ZBTB43: variants seen among roughly 807,000 people sequenced by gnomAD.
ZBTB43 encodes the protein zinc finger and BTB domain containing 43, also known as zinc finger and BTB domain-containing protein 43.
Under a neutral mutation model 31.1 loss-of-function variants are expected in ZBTB43, and 6 were observed. The ratio of observed to expected loss-of-function variants is 0.19; its 90% CI spans 0.11 to 0.38. ZBTB43 has a LOEUF of 0.38. Ranked by LOEUF, ZBTB43 falls within the 10% of genes least tolerant of loss-of-function variation. The pLI is 1.00. For synonymous variants in ZBTB43, 212 were observed against 221.7 expected (o/e 0.96, Z 0.39); for missense variants, 379 against 602.1 (o/e 0.63, Z 3.88).
chr9:126,814,856 A>G (rs1238811837), intron 2 of ZBTB43, among the ~76,000 whole-genome samples: 1 of 151,910 alleles, frequency 6.6e-6, no homozygotes, highest in Non-Finnish European at 1.5e-5. Context: ...TTTCATGGGT[A>G]TAGAATTCTA....
Position 126,837,515 on chromosome 9 carries a change from C to T in ZBTB43, c.*3602C>T, listed in dbSNP as rs1319921783. The T allele has an allele frequency of 1.2e-5, 2 of 167,146 alleles. No individual in the cohort carries two copies. The highest frequency in any genetic ancestry group is 1.9e-4 in the East Asian group (1 of 5,198). 10.4% of individuals were successfully genotyped at this position (167,146 alleles called of 1,614,324 possible). On this transcript the variant is annotated 3_prime_UTR_variant, in exon 3 of 3. Coordinates refer to ENST00000373464, the MANE Select transcript of ZBTB43 (RefSeq NM_014007.4). ...CAGAAGCTGCAAAGCTGTGCTTTCC[C>T]TGGGGAAGGGGATGTGCTGCGGCCT...
chr9:126,828,648 AATAATAATTATT>A (rs2032700645), intron 2 of ZBTB43, among the ~76,000 whole-genome samples: 2 of 133,748 alleles, frequency 1.5e-5, no homozygotes, highest in East Asian at 2.4e-4. Flanking sequence ...TAATAATAAT[AATAATAATTATT>A]ATTATTATTA....
chr9:126,831,166 C>T (rs756841980), intron 2 of ZBTB43, among the ~76,000 whole-genome samples: 1 of 152,134 alleles, frequency 6.6e-6, no homozygotes, highest in Non-Finnish European at 1.5e-5. Flanking sequence ...TGCTCAAGCC[C>T]CCAGGCCCCT....
intron 2 of ZBTB43, chr9:126,831,378 C>T (rs936977446): frequency 6.6e-6 from 1 of 152,200 alleles, no homozygotes; most frequent in Admixed American, 6.6e-5. Flanking sequence ...GTGGTATATA[C>T]CCATAGACCC....
intron 2 of ZBTB43, among the ~76,000 whole-genome samples, chr9:126,827,774 G>T (rs1054055511): frequency 6.6e-6 from 1 of 152,170 alleles, no homozygotes; most frequent in African/African-American, 2.4e-5. Flanking sequence ...TTGGGAGACT[G>T]AGGCGGGCGG....
rs1301470632 is a variant in ZBTB43, at chr9:126,838,178, T to C, written c.*4265T>C. On this transcript the variant is annotated 3_prime_UTR_variant, in exon 3 of 3. Transcript: ENST00000373464. ...AGATCATGCCCTTTTGTATGACATG[T>C]TTTAATAAATGTTATCTGTCAACTT... is the stretch of plus-strand genomic sequence containing the variant. 6.1e-6 allele frequency: 1 copy of C among 163,878 alleles called. No homozygotes were observed. The highest frequency in any genetic ancestry group is 2.4e-5 in the African/African-American group (1 of 41,456). The allele number at this position is 163,878 out of a possible 1,614,324, so 10.2% of individuals were successfully genotyped here.
rs150887826 is a variant in ZBTB43, at chr9:126,835,715, AATATAT to A, written c.*1811_*1816del. The stretch of plus-strand genomic sequence containing the variant: ...ACTTTGTATTTAAAACTTTATTATA[AATATAT>A]ATATATATTGTTTTTTTTTAAACCT... On this transcript the variant is annotated 3_prime_UTR_variant, in exon 3 of 3. Transcript: ENST00000373464. 1 of 165,126 alleles carries A rather than the reference AATATAT, an allele frequency of 6.1e-6. No homozygotes were observed. Among genetic ancestry groups the A allele is most frequent in the Non-Finnish European group, 1.5e-5 (1 of 67,828 alleles). The allele number at this position is 165,126 out of a possible 1,614,324, so 10.2% of individuals were successfully genotyped here.
At chr9:126,812,154 T>C (rs906268718) in intron 2 of ZBTB43, among the ~76,000 whole-genome samples, 2 of 152,204 alleles carry the variant, frequency 1.3e-5, no homozygotes, top group East Asian at 3.9e-4. Context: ...TTCATATAAG[T>C]GGAGTCATAC....
At position 126,836,301 on chromosome 9, in the gene ZBTB43, GT is replaced by G. The variant is rs1441780748; in HGVS notation, c.*2390del. On this transcript the variant is annotated 3_prime_UTR_variant, in exon 3 of 3. Coordinates refer to ENST00000373464, the MANE Select transcript of ZBTB43 (RefSeq NM_014007.4). ...AGTTGTGCTAGGACTTATTTAATAT[GT>G]TGTGAAGAGAAGAGTGTCTTCTTGA... 1 of 167,108 alleles carries G rather than the reference GT, an allele frequency of 6.0e-6. No homozygotes were observed. Among genetic ancestry groups the G allele is most frequent in the Non-Finnish European group, 1.5e-5 (1 of 68,124 alleles). 10.4% of individuals were successfully genotyped at this position (167,108 alleles called of 1,614,324 possible). A position where few individuals can be genotyped will look rare whatever the true frequency, so the allele number is the denominator to read the frequency against.
In ZBTB43 at chr9:126,833,235, C is replaced by G. The variant is rs1305540731; in HGVS notation, c.726C>G (p.Arg242=). The change falls in exon 3 of 3, where the codon CGC becomes CGG. Residue 242 remains arginine (R), a synonymous_variant. Transcript: ENST00000373464. The surrounding 1 kb of genome is among the most constrained non-coding windows in gnomAD (Gnocchi z 7.9). ...AGCCCAGCATCATGGCTCACAAACG[C>G]TGGATCCACGTGAAGCCCGAGCGCT... ...YSKPSIMAHK[R]WIHVKPERLE... is the part of the protein sequence containing the mutation. 1.9e-6 allele frequency: 3 copies of G among 1,613,750 alleles called. No homozygotes were observed. Among genetic ancestry groups the G allele is most frequent in the Non-Finnish European group, 2.5e-6 (3 of 1,180,018 alleles).
At chr9:126,823,040 GTGT>G (rs1363463959) in intron 2 of ZBTB43, among the ~76,000 whole-genome samples, 1 of 151,924 alleles carries the variant, frequency 6.6e-6, no homozygotes, top group Non-Finnish European at 1.5e-5. Context: ...CTTTATTATG[GTGT>G]TTATTTTATT....
At position 126,811,332 on chromosome 9, in the gene ZBTB43, GTT is replaced by G. The variant is rs1400267435; in HGVS notation, c.-24+2418_-24+2419del. On this transcript the variant is annotated intron_variant, in intron 2 of 2. Transcript: ENST00000373464. ...TAAATCTCAATTTTACTGCTTACCA[GTT>G]ATATGACCTTAAGTTGCTTAGCTTT... Among the ~76,000 whole-genome samples the G allele has an allele frequency of 3.9e-5, 6 of 151,930 alleles. No homozygotes were observed. The East Asian group carries it at 1.2e-3, about 29-fold the overall frequency.
rs979210412 is a variant in ZBTB43 at position 126,837,670 on chromosome 9, G to A, written c.*3757G>A. On this transcript the variant is annotated 3_prime_UTR_variant, in exon 3 of 3. Transcript: ENST00000373464. ...CAATCCCTCCTGTGCCACCAGTTTTGTGATTTAGGTTGCTTTAGTGGGTGA... is the reference window on the plus strand; with the variant it reads ...CAATCCCTCCTGTGCCACCAGTTTTATGATTTAGGTTGCTTTAGTGGGTGA... The A allele has an allele frequency of 1.2e-5, 2 of 167,044 alleles. No individual in the cohort carries two copies. The highest frequency in any genetic ancestry group is 4.8e-5 in the African/African-American group (2 of 41,442). 10.3% of individuals were successfully genotyped at this position (167,044 alleles called of 1,614,324 possible). A position where few individuals can be genotyped will look rare whatever the true frequency, so the allele number is the denominator to read the frequency against.
chr9:126,820,829 G>A (rs1306640960), intron 2 of ZBTB43, among the ~76,000 whole-genome samples: 3 of 151,748 alleles, frequency 2.0e-5, no homozygotes, highest in South Asian at 2.1e-4. Context: ...TTAGTGAAGC[G>A]TGGTGTCATG....
chr9:126,807,954 A>G (rs554809411), intron 1 of ZBTB43, among the ~76,000 whole-genome samples: 1 of 147,332 alleles, frequency 6.8e-6, no homozygotes, highest in Admixed American at 6.7e-5. Flanking sequence ...TTCCTTTTCA[A>G]CTCTATTTAT....
chr9:126,804,303 G>A (rs911317663), upstream of ZBTB43, among the ~76,000 whole-genome samples: 1 of 152,156 alleles, frequency 6.6e-6, no homozygotes, highest in Non-Finnish European at 1.5e-5. Context: ...GCAGCCCACG[G>A]AAAGGCACTG....
Position 126,835,536 on chromosome 9 carries a change from T to G in ZBTB43, c.*1623T>G, listed in dbSNP as rs1364293567. The G allele has an allele frequency of 1.8e-5, 3 of 167,088 alleles. No homozygotes were observed. In the Admixed American group the frequency reaches 2.0e-4, roughly 11 times the overall value. 10.4% of individuals were successfully genotyped at this position (167,088 alleles called of 1,614,324 possible). Reference sequence around the variant, plus strand: ...GTAATAGACATTGCTGGCAATGGCCTCTGATTCTCAAGCTCCTAACACCAG... The same window carrying G: ...GTAATAGACATTGCTGGCAATGGCCGCTGATTCTCAAGCTCCTAACACCAG... On this transcript the variant is annotated 3_prime_UTR_variant, in exon 3 of 3. Coordinates refer to ENST00000373464, the MANE Select transcript of ZBTB43 (RefSeq NM_014007.4).
chr9:126,828,653 T>C (rs901834827), intron 2 of ZBTB43, among the ~76,000 whole-genome samples: 1 of 142,120 alleles, frequency 7.0e-6, no homozygotes. Flanking sequence ...ATAATAATAA[T>C]AATTATTATT....
At chr9:126,811,634 C>A (rs2032251617) in intron 2 of ZBTB43, among the ~76,000 whole-genome samples, 1 of 152,034 alleles carries the variant, frequency 6.6e-6, no homozygotes, top group African/African-American at 2.4e-5. Context: ...TTATTTATTT[C>A]TATTTTTTTG....
Sources: gnomAD v4.1 joint callset for allele counts (sites outside exome capture counted in the v4.1 genomes callset) on GRCh38, gnomAD v4.1.1 for gene constraint, Gnocchi (gnomAD v3.1) non-coding constraint, MANE v1.5 for transcripts, NCBI Gene and HGNC (gene_info 2026-07-23, HGNC 2026-07-21) for gene names.